Variants in XRCC4 observed in about 807,000 individuals in gnomAD.
XRCC4 encodes X-ray repair cross complementing 4.
A neutral mutation model predicts 39.1 loss-of-function variants in XRCC4; 28 were observed. The ratio of observed to expected loss-of-function variants is 0.72; its 90% CI spans 0.53 to 0.98. The LOEUF (loss-of-function observed/expected upper bound fraction) is 0.98, where lower values mean the gene tolerates loss of function less well. XRCC4 is among the 50% of genes least tolerant of loss of function. The probability of loss-of-function intolerance (pLI) is 0.00; values close to 1 mark genes in which losing one functional copy is unlikely to be tolerated. For synonymous variants in XRCC4, 123 were observed against 126.4 expected (o/e 0.97, Z 0.18); for missense variants, 350 against 376.4 (o/e 0.93, Z 0.58).
intron 7 of XRCC4, among the ~76,000 whole-genome samples, chr5:83,304,176 C>CTTTT (rs753535950): frequency 4.7e-5 from 6 of 128,374 alleles, no homozygotes; most frequent in Non-Finnish European, 9.8e-5. Context: ...TGTTAAACAA[C>CTTTT]TTTTTTTTTT....
Position 83,353,201 on chromosome 5 carries a change from C to CT in XRCC4, c.965dup (p.Arg323GlufsTer10). 1 of 1,612,360 alleles carries CT rather than the reference C, an allele frequency of 6.2e-7. No homozygotes were observed. Among genetic ancestry groups the CT allele is most frequent in the Non-Finnish European group, 8.5e-7 (1 of 1,179,114 alleles). On this transcript the variant is annotated frameshift_variant, in exon 8 of 8. Coordinates refer to ENST00000396027, the MANE Select transcript of XRCC4 (RefSeq NM_003401.5). LOFTEE classifies it high-confidence loss of function. ...AGCTGAAAACATGTCTTTAGAAACT[C>CT]TGAGAAACAGCAGCCCAGAAGACCT...
chr5:83,106,117 A>G (rs1433197107), intron 2 of XRCC4, among the ~76,000 whole-genome samples: 3 of 152,190 alleles, frequency 2.0e-5, no homozygotes, highest in African/African-American at 7.2e-5. Context: ...TTTAAGCTAC[A>G]CATTTATCTG....
intron 7 of XRCC4, among the ~76,000 whole-genome samples, chr5:83,279,092 A>G (rs74412876): frequency 0.027 from 3,809 of 143,674 alleles, 138 homozygotes; most frequent in African/African-American, 0.096. Context: ...ATTATAAAAT[A>G]TATATAATAT....
chr5:83,369,177 C>T, the XRCC4 span, among the ~76,000 whole-genome samples: 17 of 152,184 alleles, frequency 1.1e-4, no homozygotes, highest in Middle Eastern at 3.4e-3. Context: ...TTGCAAGAAA[C>T]GGGACCTTCA....
intron 1 of XRCC4, among the ~76,000 whole-genome samples, chr5:83,080,609 C>T (rs1315567069): frequency 6.6e-6 from 1 of 152,052 alleles, no homozygotes; most frequent in Non-Finnish European, 1.5e-5. Flanking sequence ...CTTATTCCAT[C>T]CTATCCCATT....
intron 3 of XRCC4, among the ~76,000 whole-genome samples, chr5:83,153,785 T>C (rs1352264106): frequency 6.6e-6 from 1 of 152,240 alleles, no homozygotes; most frequent in Non-Finnish European, 1.5e-5. Context: ...ATAATCATAT[T>C]TAAACTTGTG....
chr5:83,110,075 C>G (rs904943855), intron 2 of XRCC4, among the ~76,000 whole-genome samples: 2 of 151,936 alleles, frequency 1.3e-5, no homozygotes, highest in African/African-American at 4.8e-5. Flanking sequence ...CAAAACTAGT[C>G]CCAAACTGAT....
At chr5:83,123,409 T>G (rs1289717856) in intron 3 of XRCC4, among the ~76,000 whole-genome samples, 1 of 152,012 alleles carries the variant, frequency 6.6e-6, no homozygotes, top group Non-Finnish European at 1.5e-5. Flanking sequence ...TTGCTTTTAA[T>G]TATTTTTCTC....
chr5:83,294,618 A>G (rs1382110522), intron 7 of XRCC4, among the ~76,000 whole-genome samples: 1 of 152,080 alleles, frequency 6.6e-6, no homozygotes, highest in Non-Finnish European at 1.5e-5. Flanking sequence ...CTACCTCAAT[A>G]GCTTTTTAGG....
rs144676614 is a variant in XRCC4, at chr5:83,143,357, A to G, written c.315+32154A>G. The stretch of plus-strand genomic sequence containing the variant: ...CAATTTTAAAGGAATGTACTACTTC[A>G]TATTGCAAGTTCACCCACTTTGATC... On this transcript the variant is annotated intron_variant, in intron 3 of 7. Coordinates refer to ENST00000396027, the MANE Select transcript of XRCC4 (RefSeq NM_003401.5). 5.9e-5 allele frequency among the ~76,000 whole-genome samples: 9 copies of G among 152,330 alleles called. No individual in the cohort carries two copies. In the East Asian group the frequency reaches 1.7e-3, roughly 29 times the overall value.
At chr5:83,154,378 C>A (rs974416608) in intron 3 of XRCC4, among the ~76,000 whole-genome samples, 3 of 152,080 alleles carry the variant, frequency 2.0e-5, no homozygotes, top group Non-Finnish European at 2.9e-5. Flanking sequence ...ACATGAAATT[C>A]AAAGGAGATG....
In XRCC4 at chr5:83,353,145, T is replaced by C. The variant is rs1043305427; in HGVS notation, c.908T>C (p.Leu303Pro). 2.2e-5 allele frequency: 36 copies of C among 1,605,976 alleles called. No individual in the cohort carries two copies. The highest frequency in any genetic ancestry group is 2.9e-5 in the Non-Finnish European group (34 of 1,177,620). The change falls in exon 8 of 8, where the codon CTA becomes CCA. Residue 303 changes from leucine (L) to proline (P), a missense_variant. By Grantham distance (98) the Leu-to-Pro change is moderately conservative (BLOSUM62 -3). Coordinates refer to ENST00000396027, the MANE Select transcript of XRCC4 (RefSeq NM_003401.5). ...TTCAGTTCTAGGCCTGATTCTTCAC[T>C]ACCTGAGACGTCTAAAAAGGAGCAC... is the stretch of plus-strand genomic sequence containing the variant. Reference protein sequence around the residue: ...LQEKEKPDSSLPETSKKEHIS... With the variant: ...LQEKEKPDSSPPETSKKEHIS...
intron 7 of XRCC4, among the ~76,000 whole-genome samples, chr5:83,266,304 T>C (rs1753951353): frequency 6.7e-6 from 1 of 150,262 alleles, no homozygotes; most frequent in South Asian, 2.1e-4. Context: ...ATTCTGTAAC[T>C]TAAATCATCT....
chr5:83,124,982 T>C (rs981687629), intron 3 of XRCC4, among the ~76,000 whole-genome samples: 1 of 152,064 alleles, frequency 6.6e-6, no homozygotes, highest in African/African-American at 2.4e-5. Flanking sequence ...AAGATCTACA[T>C]TCTTATCAGC....
At chr5:83,111,809 A>G (rs1458768831) in intron 3 of XRCC4, among the ~76,000 whole-genome samples, 2 of 152,136 alleles carry the variant, frequency 1.3e-5, no homozygotes, top group South Asian at 2.1e-4. Context: ...AAAGTCTGGC[A>G]CTAATTATTT....
At chr5:83,092,995 G>C (rs911582645) in intron 1 of XRCC4, among the ~76,000 whole-genome samples, 1 of 144,974 alleles carries the variant, frequency 6.9e-6, no homozygotes, top group Non-Finnish European at 1.5e-5. Flanking sequence ...TCCTATAAAA[G>C]ACAAGGAGTA....
intron 3 of XRCC4, among the ~76,000 whole-genome samples, chr5:83,172,610 C>T (rs1319052783): frequency 1.3e-5 from 2 of 152,076 alleles, no homozygotes; most frequent in African/African-American, 4.8e-5. Context: ...ATTTTTCAGA[C>T]ATGTCACATT....
chr5:83,353,074 A>T, intron 7 of XRCC4, 57 bp from the exon 8 acceptor site: 2 of 1,366,016 alleles, frequency 1.5e-6, no homozygotes, highest in South Asian at 1.4e-5. Flanking sequence ...ATTTTCTTTT[A>T]CTCTATAACA....
chr5:83,206,626 C>T (rs1001363035), intron 6 of XRCC4, among the ~76,000 whole-genome samples: 5 of 151,756 alleles, frequency 3.3e-5, no homozygotes. Context: ...AGACATGGGG[C>T]GGCAGCTGGA....
Sources: gnomAD v4.1 joint callset for allele counts (sites outside exome capture counted in the v4.1 genomes callset) on GRCh38, gnomAD v4.1.1 for gene constraint, MANE v1.5 for transcripts, NCBI Gene and HGNC (gene_info 2026-07-23, HGNC 2026-07-21) for gene names.